The following ADSL variants were observed in gnomAD, a reference collection of about 807,000 sequenced individuals.
The protein encoded by ADSL is adenylosuccinate lyase.
ADSL carries 44 observed loss-of-function variants against 62.1 expected under a neutral mutation model. That is an observed-to-expected ratio of 0.71 (90% CI 0.56 to 0.91). The LOEUF (loss-of-function observed/expected upper bound fraction) is 0.91. Ranked by LOEUF, ADSL falls within the 40% of genes least tolerant of loss-of-function variation. ADSL has a pLI of 0.00. For missense variants in ADSL, 531 were observed against 627.4 expected (o/e 0.85, Z 1.64); for synonymous variants, 198 against 220.5 (o/e 0.90, Z 0.90).
intron 2 of ADSL, among the ~76,000 whole-genome samples, chr22:40,382,179 A>C (rs1233504869): frequency 1.3e-5 from 2 of 152,154 alleles, no homozygotes; most frequent in African/African-American, 4.8e-5. Flanking sequence ...AAAAAGTAAG[A>C]GTTGAGAGGA....
chr22:40,361,259 C>T lies in ADSL; in HGVS notation c.793-14C>T. 6.2e-7 allele frequency: 1 copy of T among 1,613,554 alleles called. No homozygotes were observed. Among genetic ancestry groups the T allele is most frequent in the South Asian group, 1.1e-5 (1 of 91,062 alleles). ...GACAGTGTGGGGTGATGCTTATTCC[C>T]CTACCTCCCCCAGATTTGCACCGAC... On this transcript the variant is annotated splice_polypyrimidine_tract_variant and intron_variant, in intron 7 of 12. Coordinates refer to ENST00000623063, the MANE Select transcript of ADSL (RefSeq NM_000026.4).
chr22:40,386,683 A>G (rs2146851834), intron 2 of ADSL, among the ~76,000 whole-genome samples: 1 of 149,278 alleles, frequency 6.7e-6, no homozygotes, highest in Admixed American at 6.8e-5. Flanking sequence ...CAATCTCCCA[A>G]AGTGTTCGGG....
At chr22:40,360,660 A>G (rs565249620) in intron 7 of ADSL, among the ~76,000 whole-genome samples, 168 bp downstream of exon 7, 1 of 151,670 alleles carries the variant, frequency 6.6e-6, no homozygotes, top group African/African-American at 2.4e-5. Flanking sequence ...TCGTTTTGGC[A>G]TTTTCTTTAA....
At chr22:40,361,782 GGACAGTGT>G (rs1812384239) in intron 9 of ADSL, 147 bp downstream of exon 9, 4 of 1,038,770 alleles carry the variant, frequency 3.9e-6, no homozygotes, top group Non-Finnish European at 5.8e-6. Flanking sequence ...AACATAAAAA[GGACAGTGT>G]GATAAGTGTT....
At chr22:40,379,147 C>T (rs1172187121) in intron 2 of ADSL, among the ~76,000 whole-genome samples, 1 of 152,162 alleles carries the variant, frequency 6.6e-6, no homozygotes, top group African/African-American at 2.4e-5. Context: ...ACTTCTTTCC[C>T]CTCTAGAATG....
At chr22:40,373,161 G>C (rs2045911399), downstream of ADSL, among the ~76,000 whole-genome samples, 3 of 152,122 alleles carry the variant, frequency 2.0e-5, no homozygotes, top group Non-Finnish European at 4.4e-5. Context: ...GTTGTCACAG[G>C]TCACTGTAAG....
chr22:40,384,764 G>C (rs1166202859), intron 2 of ADSL, among the ~76,000 whole-genome samples: 3 of 152,138 alleles, frequency 2.0e-5, no homozygotes, highest in Non-Finnish European at 4.4e-5. Context: ...CTGGGCGACA[G>C]AGCAAGACTC....
chr22:40,360,383 CT>C lies in ADSL; in HGVS notation c.702-18del. On this transcript the variant is annotated intron_variant, in intron 6 of 12. Transcript: ENST00000623063. ...CTTTAAAATATTTTAACCTAAGTCTCTCTTGTACTTATTCCTAGAGCTTTCA... is the reference window on the plus strand; with the variant it reads ...CTTTAAAATATTTTAACCTAAGTCTCCTTGTACTTATTCCTAGAGCTTTCA... 1.2e-6 allele frequency: 2 copies of C among 1,600,204 alleles called. No homozygotes were observed. The highest frequency in any genetic ancestry group is 1.7e-6 in the Non-Finnish European group (2 of 1,168,464).
chr22:40,350,107 C>T (rs1437971644), intron 2 of ADSL, 72 bp downstream of exon 2: 1 of 1,446,120 alleles, frequency 6.9e-7, no homozygotes, highest in African/African-American at 1.4e-5. Context: ...TTGATGTTGT[C>T]CAGTTGAGGA....
intron 2 of ADSL, among the ~76,000 whole-genome samples, chr22:40,378,943 T>C (rs2047103317): frequency 6.6e-6 from 1 of 152,204 alleles, no homozygotes; most frequent in East Asian, 1.9e-4. Context: ...TGCTGCTCTT[T>C]GTTTCGGACC....
chr22:40,376,735 G>A (rs1051404387), intron 2 of ADSL, among the ~76,000 whole-genome samples: 7 of 151,956 alleles, frequency 4.6e-5, no homozygotes, highest in African/African-American at 7.3e-5. Context: ...TTAGAACTTA[G>A]TCTGACTCTA....
intron 2 of ADSL, among the ~76,000 whole-genome samples, chr22:40,386,379 C>T (rs961763678): frequency 1.3e-5 from 2 of 152,036 alleles, no homozygotes; most frequent in African/African-American, 2.4e-5. Flanking sequence ...AGGACAACCT[C>T]GTGACGTATC....
intron 10 of ADSL, 82 bp downstream of exon 10, chr22:40,363,153 AG>A: frequency 7.5e-7 from 1 of 1,325,868 alleles, no homozygotes; most frequent in Non-Finnish European, 1.1e-6. Flanking sequence ...GTGTTGAGGG[AG>A]CTGTATTCTG....
At chr22:40,355,119 A>G (rs2044503219) in intron 4 of ADSL, among the ~76,000 whole-genome samples, 2 of 152,040 alleles carry the variant, frequency 1.3e-5, no homozygotes, top group Non-Finnish European at 2.9e-5. Context: ...GGAAAATTAA[A>G]TTTCTTTCTA....
At chr22:40,353,510 C>T (rs2044428346) in intron 3 of ADSL, 1 of 670,688 alleles carries the variant, frequency 1.5e-6, no homozygotes, top group African/African-American at 1.8e-5. Flanking sequence ...TCTCAAACTC[C>T]TGAGCTCAAG....
At position 40,361,436 on chromosome 22, in the gene ADSL, A is replaced by G. The variant is rs369034632; in HGVS notation, c.863-52A>G. 95 of 1,613,832 alleles carry G rather than the reference A, an allele frequency of 5.9e-5. 1 individual carries two copies. In the South Asian group the frequency reaches 8.5e-4, roughly 14 times the overall value. Reference sequence around the variant, plus strand: ...CATTCAGCATGCTTGCCTACTCACTATCCTCTGAAGTCTCTCTGCCTTTGC... The same window carrying G: ...CATTCAGCATGCTTGCCTACTCACTGTCCTCTGAAGTCTCTCTGCCTTTGC... On this transcript the variant is annotated intron_variant, in intron 8 of 12. Coordinates refer to ENST00000623063, the MANE Select transcript of ADSL (RefSeq NM_000026.4).
chr22:40,360,167 C>T (rs371858548), intron 6 of ADSL, among the ~76,000 whole-genome samples: 2 of 152,186 alleles, frequency 1.3e-5, no homozygotes, highest in Non-Finnish European at 1.5e-5. Context: ...TATAACTTAG[C>T]ATACCAATAA....
intron 2 of ADSL, chr22:40,376,351 T>C (rs2046592571): frequency 6.6e-6 from 1 of 151,994 alleles, no homozygotes; most frequent in Admixed American, 6.6e-5. Context: ...TGCAGTGGCA[T>C]GATCATAGCT....
At chr22:40,381,929 C>T (rs2146808405) in intron 2 of ADSL, among the ~76,000 whole-genome samples, 1 of 152,308 alleles carries the variant, frequency 6.6e-6, no homozygotes, top group East Asian at 1.9e-4. Context: ...CACTGCACTC[C>T]AGCCTGGCAG....
Sources: allele counts gnomAD v4.1 joint callset (sites outside exome capture counted in the v4.1 genomes callset), GRCh38; gene constraint gnomAD v4.1.1; transcripts MANE v1.5; gene names NCBI Gene and HGNC (gene_info 2026-07-23, HGNC 2026-07-21).